GULP1: variants seen among roughly 807,000 people sequenced by gnomAD.
The protein encoded by GULP1 is GULP PTB domain containing engulfment adaptor 1.
A neutral mutation model predicts 40.9 loss-of-function variants in GULP1; 19 were observed. The observed-to-expected ratio is 0.46, with a 90% confidence interval of 0.32 to 0.68. GULP1 has a LOEUF of 0.68. Among genes scored for constraint, GULP1 ranks in the 30% least tolerant of loss-of-function variants. The pLI, the probability that GULP1 is intolerant of heterozygous loss-of-function variation, is 0.03. For missense variants in GULP1, 312 were observed against 362.2 expected, an observed-to-expected ratio of 0.86 and a Z score of 1.12; for synonymous variants, 119 against 117.6, an observed-to-expected ratio of 1.01 and a Z score of -0.08.
intron 9 of GULP1, among the ~76,000 whole-genome samples, chr2:188,572,942 A>G (rs995935703): frequency 1.2e-4 from 19 of 152,190 alleles, no homozygotes; most frequent in Non-Finnish European, 2.6e-4. Context: ...CTCTTGTACA[A>G]CATGGTGATT....
At chr2:188,369,736 T>C (rs1030025874) in intron 1 of GULP1, among the ~76,000 whole-genome samples, 3 of 152,204 alleles carry the variant, frequency 2.0e-5, no homozygotes, top group African/African-American at 7.2e-5. Flanking sequence ...TAAAGTATCT[T>C]ATTCCTCTGT....
chr2:188,509,125 A>G (rs936329394), intron 4 of GULP1, among the ~76,000 whole-genome samples: 1 of 152,042 alleles, frequency 6.6e-6, no homozygotes. Flanking sequence ...TATCTGGAAC[A>G]GTGCCTGGTA....
At chr2:188,369,228 T>G (rs2047273771) in intron 1 of GULP1, among the ~76,000 whole-genome samples, 1 of 151,356 alleles carries the variant, frequency 6.6e-6, no homozygotes, top group African/African-American at 2.4e-5. Context: ...CCCAAAGTGG[T>G]GGGATTACAG....
At chr2:188,435,858 G>A (rs916197117) in intron 2 of GULP1, among the ~76,000 whole-genome samples, 2 of 152,058 alleles carry the variant, frequency 1.3e-5, no homozygotes, top group African/African-American at 4.8e-5. Flanking sequence ...TCCATAGGCA[G>A]TTCTTAACAT....
chr2:188,401,079 G>T (rs191170436), intron 2 of GULP1, among the ~76,000 whole-genome samples: 1 of 152,076 alleles, frequency 6.6e-6, no homozygotes, highest in Non-Finnish European at 1.5e-5. Context: ...CTAGTGGCCT[G>T]TATGAGACTA....
At chr2:188,527,663 AAGAC>A (rs1329885980) in intron 5 of GULP1, among the ~76,000 whole-genome samples, 1 of 152,182 alleles carries the variant, frequency 6.6e-6, no homozygotes, top group African/African-American at 2.4e-5. Flanking sequence ...TTCGTAGAGC[AAGAC>A]AGACAGCAAG....
At chr2:188,388,684 C>T (rs2050116286) in intron 2 of GULP1, among the ~76,000 whole-genome samples, 2 of 152,160 alleles carry the variant, frequency 1.3e-5, no homozygotes, top group Admixed American at 6.5e-5. Context: ...ATTTGCTGAA[C>T]CCTTGCCGCT....
At chr2:188,537,010 A>G (rs1278446181) in intron 6 of GULP1, among the ~76,000 whole-genome samples, 1 of 152,046 alleles carries the variant, frequency 6.6e-6, no homozygotes, top group Non-Finnish European at 1.5e-5. Flanking sequence ...CAGAAATGCT[A>G]CTGATTTCTG....
chr2:188,400,137 CCTT>C (rs1267858758), intron 2 of GULP1, among the ~76,000 whole-genome samples: 1 of 151,990 alleles, frequency 6.6e-6, no homozygotes, highest in African/African-American at 2.4e-5. Flanking sequence ...AGGGGAGGAT[CCTT>C]CTTTTTTTTC....
At chr2:188,476,650 T>C (rs72911501) in intron 2 of GULP1, among the ~76,000 whole-genome samples, 1,828 of 152,284 alleles carry the variant, frequency 0.012, 15 homozygotes, top group East Asian at 0.022. Flanking sequence ...AATATACCTG[T>C]AACACTAGTC....
intron 2 of GULP1, among the ~76,000 whole-genome samples, chr2:188,439,602 C>A (rs1385923148): frequency 6.6e-6 from 1 of 151,800 alleles, no homozygotes; most frequent in South Asian, 2.1e-4. Flanking sequence ...TGTGTGTATG[C>A]GTATTTGTTT....
At chr2:188,319,756 A>G (rs1268107800) in intron 1 of GULP1, among the ~76,000 whole-genome samples, 2 of 152,142 alleles carry the variant, frequency 1.3e-5, no homozygotes, top group African/African-American at 4.8e-5. Context: ...CATTTCTCAT[A>G]TTAGCCATAA....
chr2:188,368,852 GC>G (rs1329364702), intron 1 of GULP1, among the ~76,000 whole-genome samples: 1 of 143,426 alleles, frequency 7.0e-6, no homozygotes, highest in African/African-American at 2.6e-5. Context: ...AATTTATGTG[GC>G]CTTTTTTTTC....
intron 3 of GULP1, among the ~76,000 whole-genome samples, chr2:188,478,136 G>A (rs1232018425): frequency 2.6e-5 from 4 of 152,024 alleles, no homozygotes; most frequent in Non-Finnish European, 4.4e-5. Context: ...CAGGCTTCAT[G>A]TATCATTGAA....
At chr2:188,309,163 T>A (rs2037645598) in intron 1 of GULP1, among the ~76,000 whole-genome samples, 1 of 152,114 alleles carries the variant, frequency 6.6e-6, no homozygotes, top group South Asian at 2.1e-4. Context: ...TCACGAATGA[T>A]CTCTGTCTTA....
intron 1 of GULP1, among the ~76,000 whole-genome samples, chr2:188,353,962 T>C (rs1291779040): frequency 6.6e-6 from 1 of 151,810 alleles, no homozygotes; most frequent in Non-Finnish European, 1.5e-5. Flanking sequence ...AAAGAAACAG[T>C]GCAGTGGATG....
chr2:188,305,784 C>G (rs1355541357), intron 1 of GULP1, among the ~76,000 whole-genome samples: 1 of 151,284 alleles, frequency 6.6e-6, no homozygotes, highest in Non-Finnish European at 1.5e-5. Flanking sequence ...AAAAGATTTT[C>G]AAAATTTATT....
chr2:188,297,128 A>G (rs969461078), intron 1 of GULP1, among the ~76,000 whole-genome samples: 1 of 152,046 alleles, frequency 6.6e-6, no homozygotes, highest in East Asian at 1.9e-4. Flanking sequence ...CCAGATAAGT[A>G]TTGCTAGAAA....
At chr2:188,537,983 G>T (rs992886306) in intron 6 of GULP1, among the ~76,000 whole-genome samples, 1 of 151,948 alleles carries the variant, frequency 6.6e-6, no homozygotes, top group Non-Finnish European at 1.5e-5. Context: ...CAAGGTGTTC[G>T]TAATAGTCTC....
Sources: gnomAD v4.1 joint callset for allele counts (sites outside exome capture counted in the v4.1 genomes callset) on GRCh38, gnomAD v4.1.1 for gene constraint, MANE v1.5 for transcripts, NCBI Gene and HGNC (gene_info 2026-07-23, HGNC 2026-07-21) for gene names.